ANKRD11: variants seen among roughly 807,000 people sequenced by gnomAD.
ANKRD11 encodes the protein ankyrin repeat domain-containing protein 11.
A neutral mutation model predicts 195.7 loss-of-function variants in ANKRD11; 17 were observed. The observed-to-expected ratio is 0.09, with a 90% CI of 0.06 to 0.13. ANKRD11 has a LOEUF of 0.13. Among genes scored for constraint, ANKRD11 ranks in the 10% least tolerant of loss-of-function variants. ANKRD11 has a pLI of 1.00. For synonymous variants in ANKRD11, 1,953 were observed against 1,528.1 expected, an observed-to-expected ratio of 1.28 and a Z score of -6.49; for missense variants, 3,735 against 3,566.1, an observed-to-expected ratio of 1.05 and a Z score of -1.21.
Position 89,304,571 on chromosome 16 carries a change from T to C in ANKRD11, c.226+635A>G, listed in dbSNP as rs560618166. Among the ~76,000 whole-genome samples, 40 of 145,338 alleles carry C rather than the reference T, an allele frequency of 2.8e-4. No individual in the cohort carries two copies. In the South Asian group the frequency reaches 2.9e-3, roughly 10 times the overall value. On this transcript the variant is annotated intron_variant, in intron 4 of 12. Transcript: ENST00000301030. ...GCACATACACGGGCACACACATACATGGGTACATACAAGTACATACACACA... is the reference window on the plus strand; with the variant it reads ...GCACATACACGGGCACACACATACACGGGTACATACAAGTACATACACACA...
rs11384395 is a variant in ANKRD11 at position 89,487,008 on chromosome 16, CA to C, written c.-145+3236del. ...TGGGCAACAAAGCGAGACTCCGTCT[CA>C]AAAAAAAAAAAAAGAAAAAAACAAT... On this transcript the variant is annotated intron_variant, in intron 1 of 12. Coordinates refer to ENST00000301030, the MANE Select transcript of ANKRD11 (RefSeq NM_013275.6). Among the ~76,000 whole-genome samples, 163 of 126,480 alleles carry C rather than the reference CA, an allele frequency of 1.3e-3. 1 individual carries two copies. The highest frequency in any genetic ancestry group is 3.9e-3 in the Middle Eastern group (1 of 258). The allele number at this position is 126,480 out of a possible 152,430, so 83.0% of individuals were successfully genotyped here.
At position 89,282,983 on chromosome 16, in the gene ANKRD11, C is replaced by T. The variant is rs750034276; in HGVS notation, c.3559G>A (p.Asp1187Asn). ...KDKEPRDRRK[D>N]RGAADAGRDK... Reference sequence around the variant, plus strand: ...CTCCCCGCGTCGGCAGCCCCTCGGTCCTTTCTCCTGTCTCTGGGCTCCTTG... The same window carrying T: ...CTCCCCGCGTCGGCAGCCCCTCGGTTCTTTCTCCTGTCTCTGGGCTCCTTG... Residue 1187 changes from aspartate to asparagine, a missense_variant, in exon 9 of 13, where the codon GAC (aspartate) becomes AAC (asparagine). Coordinates refer to ENST00000301030, the MANE Select transcript of ANKRD11 (RefSeq NM_013275.6). 4 of 1,613,594 alleles carry T rather than the reference C, an allele frequency of 2.5e-6. No individual in the cohort carries two copies. The Admixed American group carries it at 5.0e-5, about 20-fold the overall frequency.
intron 12 of ANKRD11, among the ~76,000 whole-genome samples, chr16:89,269,277 T>A (rs2032922338): frequency 6.6e-6 from 1 of 152,000 alleles, no homozygotes; most frequent in South Asian, 2.1e-4. Context: ...CTCCTCAACC[T>A]CCCGAGTAGC....
chr16:89,315,698 A>G (rs908135128), intron 3 of ANKRD11, among the ~76,000 whole-genome samples: 6 of 152,212 alleles, frequency 3.9e-5, no homozygotes, highest in Non-Finnish European at 7.4e-5. Context: ...TGCTGCCCAG[A>G]CATCAAGGGT....
At chr16:89,415,777 G>A (rs1382498718) in intron 2 of ANKRD11, among the ~76,000 whole-genome samples, 1 of 134,716 alleles carries the variant, frequency 7.4e-6, no homozygotes, top group Non-Finnish European at 1.5e-5. Context: ...GCAGTGAGCC[G>A]AGATTGCACC....
chr16:89,452,172 C>T (rs2044106864), intron 1 of ANKRD11, among the ~76,000 whole-genome samples: 1 of 152,100 alleles, frequency 6.6e-6, no homozygotes, highest in Non-Finnish European at 1.5e-5. Flanking sequence ...GCAGGAGAAT[C>T]GCTTGAACCT....
At chr16:89,435,651 CG>C (rs1268173584) in intron 1 of ANKRD11, among the ~76,000 whole-genome samples, 3 of 151,978 alleles carry the variant, frequency 2.0e-5, no homozygotes, top group South Asian at 2.1e-4. Flanking sequence ...TTGAAGTCAG[CG>C]AGACCGAGAA....
In ANKRD11 at chr16:89,281,307, G is replaced by T; in HGVS notation, c.5235C>A (p.Ser1745=). The change falls in exon 9 of 13, where the codon TCC becomes TCA. Residue 1745 remains serine, a synonymous_variant. Coordinates refer to ENST00000301030, the MANE Select transcript of ANKRD11 (RefSeq NM_013275.6). The surrounding 1 kb of genome is among the most constrained non-coding windows in gnomAD (Gnocchi z 5.5). ...TGGTGGGAGCGGTGGGCACGGGCGT[G>T]GAGTGCTGCGAGTCGGCGCAGTCGA... ...LVFDCADSQH[S]TPVPTAPTSA... The T allele has an allele frequency of 2.5e-6, 4 of 1,614,130 alleles. No individual in the cohort carries two copies. The highest frequency in any genetic ancestry group is 3.4e-6 in the Non-Finnish European group (4 of 1,179,994).
At chr16:89,435,356 A>G (rs185329520) in intron 1 of ANKRD11, among the ~76,000 whole-genome samples, 17 of 152,338 alleles carry the variant, frequency 1.1e-4, no homozygotes, top group Admixed American at 3.9e-4. Context: ...TGGCCACATG[A>G]GCCAGCAGCA....
intron 1 of ANKRD11, among the ~76,000 whole-genome samples, chr16:89,487,532 T>C (rs2057660872): frequency 6.6e-6 from 1 of 152,118 alleles, no homozygotes; most frequent in South Asian, 2.1e-4. Context: ...TCCCAGCACT[T>C]TGGGAGGCCA....
In ANKRD11 at chr16:89,283,998, T is replaced by C. The variant is rs1179944221; in HGVS notation, c.2544A>G (p.Ser848=). 6.2e-7 allele frequency: 1 copy of C among 1,614,042 alleles called. No individual in the cohort carries two copies. Among genetic ancestry groups the C allele is most frequent in the South Asian group, 1.1e-5 (1 of 91,094 alleles). Residue 848 remains serine (S), a synonymous_variant, in exon 9 of 13, where the codon TCA becomes TCG. Coordinates refer to ENST00000301030, the MANE Select transcript of ANKRD11 (RefSeq NM_013275.6). The surrounding 1 kb of genome is among the most constrained non-coding windows in gnomAD (Gnocchi z 4.3). ...RDRWFSDLSD[S]SFDFKGEDSW... ...TGTCCTCCCCTTTGAAATCAAAGGATGAATCGGACAAGTCAGAAAACCACC... is the reference window on the plus strand; with the variant it reads ...TGTCCTCCCCTTTGAAATCAAAGGACGAATCGGACAAGTCAGAAAACCACC...
intron 4 of ANKRD11, 35 bp downstream of exon 4, chr16:89,305,171 G>C (rs2151869601): frequency 1.9e-6 from 3 of 1,605,570 alleles, no homozygotes; most frequent in Middle Eastern, 2.1e-4. Flanking sequence ...GCTGCCTGTG[G>C]AGGGCTGACT....
chr16:89,337,007 CAAAAAAAAAAAA>C (rs60248736), intron 2 of ANKRD11, among the ~76,000 whole-genome samples: 36 of 47,742 alleles, frequency 7.5e-4, no homozygotes, highest in South Asian at 1.1e-3. Context: ...CTGGCTCTAC[CAAAAAAAAAAAA>C]AAAAAAAAAA....
At chr16:89,351,035 A>G (rs1442422640) in intron 2 of ANKRD11, among the ~76,000 whole-genome samples, 1 of 152,140 alleles carries the variant, frequency 6.6e-6, no homozygotes, top group Non-Finnish European at 1.5e-5. Context: ...CTAACAACGC[A>G]TTTCTCAGGA....
At chr16:89,424,106 C>T (rs1228151566) in intron 1 of ANKRD11, among the ~76,000 whole-genome samples, 4 of 152,048 alleles carry the variant, frequency 2.6e-5, no homozygotes, top group Non-Finnish European at 4.4e-5. Context: ...GTGACTGCCC[C>T]GGGTGTACCT....
intron 2 of ANKRD11, among the ~76,000 whole-genome samples, chr16:89,366,218 A>G (rs1271643013): frequency 2.7e-5 from 4 of 149,812 alleles, no homozygotes; most frequent in African/African-American, 9.9e-5. Flanking sequence ...CATTTTCTTT[A>G]TCCAATCCGT....
chr16:89,378,616 G>A (rs531073060), intron 2 of ANKRD11, among the ~76,000 whole-genome samples: 13 of 152,332 alleles, frequency 8.5e-5, no homozygotes, highest in African/African-American at 2.9e-4. Flanking sequence ...ACTAGCAAGT[G>A]CTCAAGTAGC....
intron 2 of ANKRD11, among the ~76,000 whole-genome samples, chr16:89,363,106 T>C (rs111493215): frequency 3.2e-4 from 48 of 152,210 alleles, no homozygotes; most frequent in Non-Finnish European, 5.7e-4. Flanking sequence ...TACGTTCAAG[T>C]GCTATTTCTT....
At chr16:89,382,839 CTTTG>C (rs950450441) in intron 2 of ANKRD11, among the ~76,000 whole-genome samples, 4 of 151,998 alleles carry the variant, frequency 2.6e-5, no homozygotes, top group Non-Finnish European at 5.9e-5. Context: ...GTAGAGTTTC[CTTTG>C]TTTGCCCATT....
Sources: allele counts gnomAD v4.1 joint callset (sites outside exome capture counted in the v4.1 genomes callset), GRCh38; gene constraint gnomAD v4.1.1; non-coding constraint Gnocchi (gnomAD v3.1); transcripts MANE v1.5; gene names NCBI Gene and HGNC (gene_info 2026-07-23, HGNC 2026-07-21).